CD81: variants seen among roughly 807,000 people sequenced by gnomAD.
The protein encoded by CD81 is CD81 antigen.
A neutral mutation model predicts 30.1 loss-of-function variants in CD81; 10 were observed. The ratio of observed to expected loss-of-function variants is 0.33; its 90% CI spans 0.21 to 0.56. The LOEUF is 0.56. Ranked by LOEUF, CD81 falls within the 20% of genes least tolerant of loss-of-function variation. The pLI is 0.89. For synonymous variants in CD81, 147 were observed against 126.4 expected, an observed-to-expected ratio of 1.16 and a Z score of -1.10; for missense variants, 263 against 308.7, an observed-to-expected ratio of 0.85 and a Z score of 1.11.
At chr11:2,380,497 AG>A (rs1849686750) in intron 1 of CD81, among the ~76,000 whole-genome samples, 1 of 151,992 alleles carries the variant, frequency 6.6e-6, no homozygotes, top group Admixed American at 6.5e-5. Context: ...CCAAGGTGCG[AG>A]GGGGAAGGTC....
chr11:2,390,264 C>T (rs1849874510), intron 1 of CD81, 148 bp from the exon 2 acceptor site: 3 of 739,574 alleles, frequency 4.1e-6, no homozygotes, highest in Non-Finnish European at 7.3e-6. Context: ...CTCTTCAGGG[C>T]ATTGCGAAAA....
chr11:2,395,361 T>A lies in CD81; in HGVS notation c.355-55T>A, dbSNP rs532063759. On this transcript the variant is annotated intron_variant, in intron 4 of 7. Coordinates refer to ENST00000263645, the MANE Select transcript of CD81 (RefSeq NM_004356.4). Reference sequence around the variant, plus strand: ...TGCGTCCGCCTGGGGCGGGGCGGGGTGGGGGCAAGGAGGGGGAGGTTCCCC... The same window carrying A: ...TGCGTCCGCCTGGGGCGGGGCGGGGAGGGGGCAAGGAGGGGGAGGTTCCCC... 3 of 1,306,874 alleles carry A rather than the reference T, an allele frequency of 2.3e-6. No homozygotes were observed. The Admixed American group carries it at 5.6e-5, about 24-fold the overall frequency. 81.0% of individuals were successfully genotyped at this position (1,306,874 alleles called of 1,614,324 possible). A position where few individuals can be genotyped will look rare whatever the true frequency, so the allele number is the denominator to read the frequency against.
At chr11:2,395,095 C>A in intron 4 of CD81, 49 bp downstream of exon 4, 1 of 1,494,646 alleles carries the variant, frequency 6.7e-7, no homozygotes, top group South Asian at 1.1e-5. Flanking sequence ...CGGGGGCACC[C>A]TCCTCTCCTG....
intron 1 of CD81, 44 bp from the exon 2 acceptor site, chr11:2,390,368 G>T (rs766106391): frequency 8.8e-6 from 13 of 1,480,298 alleles, no homozygotes; most frequent in Non-Finnish European, 1.1e-5. Flanking sequence ...ACTCCCTGCT[G>T]CAGTGCTCTT....
Position 2,377,486 on chromosome 11 carries a change from C to A in CD81, c.-64C>A. 5.5e-6 allele frequency: 4 copies of A among 727,362 alleles called. No individual in the cohort carries two copies. The highest frequency in any genetic ancestry group is 6.7e-6 in the Non-Finnish European group (4 of 595,484). 45.1% of individuals were successfully genotyped at this position (727,362 alleles called of 1,614,324 possible). On this transcript the variant is annotated 5_prime_UTR_variant, in exon 1 of 8. Coordinates refer to ENST00000263645, the MANE Select transcript of CD81 (RefSeq NM_004356.4). This position sits in a 1 kb window ranked among gnomAD's most constrained non-coding sequence, Gnocchi z 7.7. ...CTTGCCGGCCACCCGCCAGGCCCCG[C>A]GCCGGCCCGCCCGCCGCCCAGGACC...
At chr11:2,393,977 A>G in intron 2 of CD81, 118 bp from the exon 3 acceptor site, 1 of 789,328 alleles carries the variant, frequency 1.3e-6, no homozygotes, top group Non-Finnish European at 2.2e-6. Flanking sequence ...CCTGGCAGTC[A>G]GCAACCCTAC....
chr11:2,394,836 C>T, intron 3 of CD81, 136 bp from the exon 4 acceptor site: 1 of 801,366 alleles, frequency 1.2e-6, no homozygotes, highest in Non-Finnish European at 2.2e-6. Flanking sequence ...ACAAGCCGCT[C>T]ACTCCTGGTC....
At chr11:2,387,581 G>A (rs1849819149) in intron 1 of CD81, among the ~76,000 whole-genome samples, 1 of 151,712 alleles carries the variant, frequency 6.6e-6, no homozygotes, top group Non-Finnish European at 1.5e-5. Context: ...CACTGTCCAC[G>A]GCCCTCCCTG....
chr11:2,396,929 A>G lies in CD81; in HGVS notation c.*63A>G. ...CCCCTAAGTGACCCGGACACTTCCG[A>G]GGGGGCCATCACCGCCTGTGTATAT... On this transcript the variant is annotated 3_prime_UTR_variant, in exon 8 of 8. Transcript: ENST00000263645. The G allele has an allele frequency of 2.0e-6, 3 of 1,465,018 alleles. No individual in the cohort carries two copies. The highest frequency in any genetic ancestry group is 2.9e-6 in the Non-Finnish European group (3 of 1,050,150). 90.8% of individuals were successfully genotyped at this position (1,465,018 alleles called of 1,614,324 possible). A position where few individuals can be genotyped will look rare whatever the true frequency, so the allele number is the denominator to read the frequency against.
At chr11:2,395,559 G>A (rs749568704) in intron 5 of CD81, 39 bp downstream of exon 5, 20 of 1,512,112 alleles carry the variant, frequency 1.3e-5, no homozygotes, top group Admixed American at 6.7e-5. Context: ...GCAGGGCCCC[G>A]GGAACCCGGC....
At chr11:2,376,581 C>T (rs1203235261), upstream of CD81, among the ~76,000 whole-genome samples, 1 of 152,174 alleles carries the variant, frequency 6.6e-6, no homozygotes, top group African/African-American at 2.4e-5. Context: ...CCCTGGGGCA[C>T]GACACAACCA....
In CD81 at chr11:2,379,304, G is replaced by T; in HGVS notation, c.66+1689G>T. 6.9e-6 allele frequency: 3 copies of T among 432,398 alleles called. No individual in the cohort carries two copies. The Admixed American group carries it at 7.2e-5, about 10-fold the overall frequency. The allele number at this position is 432,398 out of a possible 1,614,324, so 26.8% of individuals were successfully genotyped here. On this transcript the variant is annotated intron_variant, in intron 1 of 7. Coordinates refer to ENST00000263645, the MANE Select transcript of CD81 (RefSeq NM_004356.4). ...ACCTGGGGGCAGGGGCCGAGGGAGG[G>T]TGTAGGCCTGGGGGTAGTAGGGGCT...
At chr11:2,390,618 G>A in intron 2 of CD81, 92 bp downstream of exon 2, 1 of 920,976 alleles carries the variant, frequency 1.1e-6, no homozygotes, top group Non-Finnish European at 1.8e-6. Context: ...GAGGGTGAAA[G>A]ACAGTCGGGC....
chr11:2,395,262 G>A, intron 4 of CD81, 154 bp from the exon 5 acceptor site: 1 of 746,160 alleles, frequency 1.3e-6, no homozygotes, highest in South Asian at 1.5e-5. Flanking sequence ...TCCCGGGGCA[G>A]CTGAGAGTGC....
intron 1 of CD81, among the ~76,000 whole-genome samples, chr11:2,381,183 G>T (rs930908802): frequency 3.9e-5 from 6 of 152,200 alleles, no homozygotes; most frequent in Admixed American, 3.9e-4. Flanking sequence ...CAAGCGGGCC[G>T]AGAAGAGGAA....
rs888010940 is a variant in CD81, at chr11:2,392,134, G to A, written c.181+1608G>A. 2.0e-5 allele frequency: 3 copies of A among 152,454 alleles called. No individual in the cohort carries two copies. In the East Asian group the frequency reaches 5.8e-4, roughly 29 times the overall value. 9.4% of individuals were successfully genotyped at this position (152,454 alleles called of 1,614,324 possible). A position where few individuals can be genotyped will look rare whatever the true frequency, so the allele number is the denominator to read the frequency against. On this transcript the variant is annotated intron_variant, in intron 2 of 7. Transcript: ENST00000263645. Reference sequence around the variant, plus strand: ...CGAGTCCCCTTCTCCAGGACCTGGGGCCTGTGGGTGTGAGGCAGGTGTTCT... The same window carrying A: ...CGAGTCCCCTTCTCCAGGACCTGGGACCTGTGGGTGTGAGGCAGGTGTTCT...
rs1048154256 is a variant in CD81, at chr11:2,392,800, G to GA, written c.182-1294dup. On this transcript the variant is annotated intron_variant, in intron 2 of 7. Coordinates refer to ENST00000263645, the MANE Select transcript of CD81 (RefSeq NM_004356.4). The stretch of plus-strand genomic sequence containing the variant: ...GGTGGGTTAGGCCCAAGGGCGTTAA[G>GA]AGAGGAGGCTGGGGTGGGGCTGGGG... 7.9e-5 allele frequency: 12 copies of GA among 152,440 alleles called. 1 individual carries two copies. Among genetic ancestry groups the GA allele is most frequent in the African/African-American group, 2.6e-4 (11 of 41,584 alleles). The allele number at this position is 152,440 out of a possible 1,614,324, so 9.4% of individuals were successfully genotyped here. A position where few individuals can be genotyped will look rare whatever the true frequency, so the allele number is the denominator to read the frequency against.
At chr11:2,380,361 T>C (rs1849683346) in intron 1 of CD81, among the ~76,000 whole-genome samples, 1 of 151,340 alleles carries the variant, frequency 6.6e-6, no homozygotes, top group Admixed American at 6.6e-5. Context: ...GCAGCTGGGG[T>C]AGCCTGACCT....
At chr11:2,385,519 C>T (rs11022552) in intron 1 of CD81, 5,381 of 230,104 alleles carry the variant, frequency 0.023, 83 homozygotes, top group African/African-American at 0.12. Context: ...TCTATGCACC[C>T]GTGCTGTGGC....
Sources: allele counts gnomAD v4.1 joint callset (sites outside exome capture counted in the v4.1 genomes callset), GRCh38; gene constraint gnomAD v4.1.1; non-coding constraint Gnocchi (gnomAD v3.1); transcripts MANE v1.5; gene names NCBI Gene and HGNC (gene_info 2026-07-23, HGNC 2026-07-21).